The following APIP variants were observed in gnomAD, a reference collection of about 807,000 sequenced individuals.
The protein encoded by APIP is methylthioribulose-1-phosphate dehydratase.
In APIP, 32 loss-of-function variants were observed where a neutral mutation model predicts 32.0. The observed-to-expected ratio is 1.00, with a 90% CI of 0.76 to 1.34. The LOEUF (loss-of-function observed/expected upper bound fraction) is 1.34, where lower values mean the gene tolerates loss of function less well. Ranked by LOEUF, APIP falls within the 40% of genes most tolerant of loss-of-function variation. APIP has a pLI of 0.00. For synonymous variants in APIP, 92 were observed against 94.8 expected (o/e 0.97, Z 0.17); for missense variants, 247 against 298.6 (o/e 0.83, Z 1.27).
At chr11:34,894,368 G>C (rs930721519) in intron 2 of APIP, among the ~76,000 whole-genome samples, 3 of 148,376 alleles carry the variant, frequency 2.0e-5, no homozygotes, top group African/African-American at 7.4e-5. Flanking sequence ...CTGTATTTAA[G>C]TGACTTTGAA....
At position 34,883,368 on chromosome 11, in the gene APIP, A is replaced by G; in HGVS notation, c.598T>C (p.Trp200Arg). 6.2e-7 allele frequency: 1 copy of G among 1,612,082 alleles called. No individual in the cohort carries two copies. The highest frequency in any genetic ancestry group is 2.2e-5 in the East Asian group (1 of 44,796). ...TTGGCCTTCTCCCATGTTTCCCCCC[A>G]CACATATACTCCATGACGTCTGACC... ...VLVRRHGVYV[W>R]GETWEKAKTM... Residue 200 changes from tryptophan (W) to arginine (R), a missense_variant, in exon 6 of 7, where the codon TGG (tryptophan) becomes CGG (arginine). Trp to Arg is a moderately radical substitution (Grantham distance 101). Coordinates refer to ENST00000395787, the MANE Select transcript of APIP (RefSeq NM_015957.4).
intron 2 of APIP, among the ~76,000 whole-genome samples, chr11:34,894,246 A>AAT (rs1474241705): frequency 1.4e-4 from 22 of 152,288 alleles, no homozygotes; most frequent in East Asian, 1.4e-3. Flanking sequence ...TCCTCTGAGG[A>AAT]ATACAGATTA....
chr11:34,905,424 A>G (rs1211948790), intron 1 of APIP, among the ~76,000 whole-genome samples: 1 of 152,162 alleles, frequency 6.6e-6, no homozygotes, highest in Non-Finnish European at 1.5e-5. Context: ...TTTACCCTTA[A>G]AGACCTAGCA....
chr11:34,908,323 T>C (rs760683590), intron 1 of APIP, among the ~76,000 whole-genome samples: 2 of 150,634 alleles, frequency 1.3e-5, no homozygotes, highest in Non-Finnish European at 3.0e-5. Flanking sequence ...AAATACTCTT[T>C]TTGTTTGTTT....
At chr11:34,914,207 G>A (rs925946032) in intron 1 of APIP, among the ~76,000 whole-genome samples, 1 of 152,140 alleles carries the variant, frequency 6.6e-6, no homozygotes, top group Admixed American at 6.5e-5. Context: ...GTCAAACTAT[G>A]TCATGTTGTC....
chr11:34,907,194 T>G (rs976584543), intron 1 of APIP, among the ~76,000 whole-genome samples: 1 of 152,206 alleles, frequency 6.6e-6, no homozygotes, highest in African/African-American at 2.4e-5. Context: ...TATCCGTCCT[T>G]AAGAAATCTA....
intron 1 of APIP, among the ~76,000 whole-genome samples, chr11:34,909,703 C>T (rs1368117861): frequency 6.6e-6 from 1 of 151,972 alleles, no homozygotes; most frequent in Non-Finnish European, 1.5e-5. Flanking sequence ...TTTGTAGGGG[C>T]AAGATGTGGA....
At chr11:34,908,286 CA>C (rs1477965975) in intron 1 of APIP, among the ~76,000 whole-genome samples, 1 of 152,198 alleles carries the variant, frequency 6.6e-6, no homozygotes, top group Non-Finnish European at 1.5e-5. Flanking sequence ...TGTAAAATAG[CA>C]TAATAATAAC....
chr11:34,896,874 A>G (rs1163136997), intron 1 of APIP: 1 of 1,197,748 alleles, frequency 8.3e-7, no homozygotes, highest in Non-Finnish European at 1.1e-6. Flanking sequence ...ATGAGACAAA[A>G]CCCAGGGCCT....
intron 1 of APIP, among the ~76,000 whole-genome samples, chr11:34,908,171 T>C (rs1047803149): frequency 1.3e-5 from 2 of 152,212 alleles, no homozygotes; most frequent in African/African-American, 4.8e-5. Context: ...CAAAACTGGA[T>C]ACTGTCCACA....
intron 1 of APIP, among the ~76,000 whole-genome samples, chr11:34,910,662 G>A (rs1051143340): frequency 6.6e-6 from 1 of 152,052 alleles, no homozygotes; most frequent in Non-Finnish European, 1.5e-5. Flanking sequence ...AATAAGAATT[G>A]CTAACATTTC....
chr11:34,913,731 A>C (rs557998842), intron 1 of APIP, among the ~76,000 whole-genome samples: 1 of 152,158 alleles, frequency 6.6e-6, no homozygotes, highest in South Asian at 2.1e-4. Flanking sequence ...TTATTCCCTT[A>C]TTTGGCCCCA....
In APIP at chr11:34,899,688, G is replaced by A. The variant is rs181041608; in HGVS notation, c.58-4578C>T. Among the ~76,000 whole-genome samples the A allele has an allele frequency of 1.7e-3, 265 of 152,304 alleles. 1 individual carries two copies. Among genetic ancestry groups the A allele is most frequent in the Non-Finnish European group, 1.7e-3 (115 of 68,026 alleles). The stretch of plus-strand genomic sequence containing the variant: ...AGGGAAATATAAGCAGAGGACTAGA[G>A]CTGCTTGGGGAAGTGCGACTAGGCC... On this transcript the variant is annotated intron_variant, in intron 1 of 6. Coordinates refer to ENST00000395787, the MANE Select transcript of APIP (RefSeq NM_015957.4).
At chr11:34,908,727 T>C (rs1195599500) in intron 1 of APIP, among the ~76,000 whole-genome samples, 2 of 152,210 alleles carry the variant, frequency 1.3e-5, no homozygotes, top group Non-Finnish European at 2.9e-5. Context: ...TCTATGTTGG[T>C]ATTTCTTATA....
intron 1 of APIP, among the ~76,000 whole-genome samples, chr11:34,905,404 T>A (rs1406027993): frequency 1.3e-5 from 2 of 152,190 alleles, no homozygotes; most frequent in Non-Finnish European, 2.9e-5. Flanking sequence ...TTCCCTTTAT[T>A]GGCTTTACCT....
At chr11:34,884,607 C>T (rs914872701) in intron 5 of APIP, among the ~76,000 whole-genome samples, 3 of 152,064 alleles carry the variant, frequency 2.0e-5, no homozygotes, top group African/African-American at 7.2e-5. Context: ...TGCCTGTAGT[C>T]CCACCTACTC....
chr11:34,886,424 A>T (rs1853071962), intron 5 of APIP, among the ~76,000 whole-genome samples: 1 of 152,140 alleles, frequency 6.6e-6, no homozygotes, highest in South Asian at 2.1e-4. Flanking sequence ...TACTATTACA[A>T]GAGTCCAAAA....
At chr11:34,895,804 T>C (rs1300800529) in intron 1 of APIP, among the ~76,000 whole-genome samples, 4 of 152,082 alleles carry the variant, frequency 2.6e-5, no homozygotes, top group African/African-American at 9.7e-5. Flanking sequence ...ATTACTTCTT[T>C]AGAAAAAAGA....
chr11:34,899,029 G>A (rs1241565135), intron 1 of APIP, among the ~76,000 whole-genome samples: 2 of 151,772 alleles, frequency 1.3e-5, no homozygotes, highest in Non-Finnish European at 2.9e-5. Flanking sequence ...TCAATCTCCT[G>A]ACCTAGTGAT....
Sources: allele counts gnomAD v4.1 joint callset (sites outside exome capture counted in the v4.1 genomes callset), GRCh38; gene constraint gnomAD v4.1.1; transcripts MANE v1.5; gene names NCBI Gene and HGNC (gene_info 2026-07-23, HGNC 2026-07-21).